Variants in ZFAT observed in about 807,000 individuals in gnomAD.
ZFAT encodes zinc finger and AT-hook domain containing.
A neutral mutation model predicts 117.7 loss-of-function variants in ZFAT; 64 were observed. The observed-to-expected ratio is 0.54, with a 90% CI of 0.44 to 0.67. ZFAT has a LOEUF of 0.67. Among genes scored for constraint, ZFAT ranks in the 30% least tolerant of loss-of-function variants. The probability of loss-of-function intolerance (pLI) is 0.00; values close to 1 mark genes in which losing one functional copy is unlikely to be tolerated. For missense variants in ZFAT, 1,433 were observed against 1,584.5 expected (o/e 0.90, Z 1.62); for synonymous variants, 679 against 615.0 (o/e 1.10, Z -1.54).
chr8:134,759,355 T>C, the ZFAT span, among the ~76,000 whole-genome samples: 30 of 152,296 alleles, frequency 2.0e-4, no homozygotes, highest in Admixed American at 1.9e-3. Flanking sequence ...CAGGTAGATT[T>C]GGGACCCCCA....
chr8:134,761,982 ATGTGTG>A, the ZFAT span, among the ~76,000 whole-genome samples: 5,470 of 147,222 alleles, frequency 0.037, 216 homozygotes, highest in African/African-American at 0.098. Flanking sequence ...TTCTCTCTGT[ATGTGTG>A]TGTGTGTGTG....
At chr8:134,733,430 C>T in the ZFAT span, among the ~76,000 whole-genome samples, 5 of 152,214 alleles carry the variant, frequency 3.3e-5, no homozygotes, top group Non-Finnish European at 7.3e-5. Context: ...GAGAAAGTTT[C>T]CTGCCCCTGG....
At chr8:134,590,545 C>A (rs1826393315) in intron 7 of ZFAT, among the ~76,000 whole-genome samples, 190 bp from the exon 8 acceptor site, 1 of 145,178 alleles carries the variant, frequency 6.9e-6, no homozygotes, top group Admixed American at 7.1e-5. Flanking sequence ...GCACTATCAA[C>A]AGTCATCACC....
intron 3 of ZFAT, among the ~76,000 whole-genome samples, chr8:134,632,589 T>A (rs557096381): frequency 3.3e-5 from 5 of 152,244 alleles, no homozygotes; most frequent in East Asian, 3.9e-4. Context: ...GCATTTTTTT[T>A]AAATTGGAGG....
intron 2 of ZFAT, among the ~76,000 whole-genome samples, chr8:134,650,196 C>T (rs1232732293): frequency 6.6e-6 from 1 of 150,540 alleles, no homozygotes; most frequent in Non-Finnish European, 1.5e-5. Flanking sequence ...CATCTTGGCT[C>T]ACTGCAACCT....
At chr8:134,781,259 C>A in the ZFAT span, among the ~76,000 whole-genome samples, 1 of 152,036 alleles carries the variant, frequency 6.6e-6, no homozygotes, top group South Asian at 2.1e-4. Flanking sequence ...CAGAGTAACT[C>A]GGACTACTGA....
Position 134,657,592 on chromosome 8 carries a change from A to G in ZFAT, c.165T>C (p.Pro55=), listed in dbSNP as rs1310348998. 25 of 1,613,602 alleles carry G rather than the reference A, an allele frequency of 1.5e-5. No individual in the cohort carries two copies. The highest frequency in any genetic ancestry group is 2.1e-5 in the Non-Finnish European group (25 of 1,179,770). Residue 55 remains proline, a synonymous_variant, in exon 2 of 16, where the codon CCT becomes CCC. Coordinates refer to ENST00000377838, the MANE Select transcript of ZFAT (RefSeq NM_020863.4). ...CGGTTTTGCTTGAGTTGGGGGGTTC[A>G]GGTGTACTCAGAGGCCTAAGGGGAA... ...IIIPLRPLST[P]EPPNSSKTGD... is the part of the protein sequence containing the mutation.
intron 10 of ZFAT, among the ~76,000 whole-genome samples, chr8:134,572,337 G>A (rs556690382): frequency 2.1e-4 from 32 of 152,240 alleles, no homozygotes; most frequent in African/African-American, 5.5e-4. Context: ...CATTGTTTTC[G>A]TGCTGTCTGT....
chr8:134,683,871 G>C (rs1833189995), intron 1 of ZFAT, among the ~76,000 whole-genome samples: 1 of 152,164 alleles, frequency 6.6e-6, no homozygotes, highest in Non-Finnish European at 1.5e-5. Context: ...TGAATTTGTA[G>C]TTGGAATCCC....
At chr8:134,538,207 A>G (rs1432186765) in intron 11 of ZFAT, among the ~76,000 whole-genome samples, 1 of 152,182 alleles carries the variant, frequency 6.6e-6, no homozygotes, top group Non-Finnish European at 1.5e-5. Flanking sequence ...ATGACAGAGG[A>G]TAACAGGTGT....
chr8:134,488,169 T>C (rs1817787784), intron 15 of ZFAT, among the ~76,000 whole-genome samples: 1 of 152,250 alleles, frequency 6.6e-6, no homozygotes, highest in Non-Finnish European at 1.5e-5. Flanking sequence ...GCCCAGATGC[T>C]ACTCAGTGGG....
At chr8:134,619,896 C>T (rs1432768333) in intron 3 of ZFAT, among the ~76,000 whole-genome samples, 1 of 152,228 alleles carries the variant, frequency 6.6e-6, no homozygotes, top group Non-Finnish European at 1.5e-5. Flanking sequence ...CCCAGCATCA[C>T]ATTGAAGTCC....
intron 11 of ZFAT, among the ~76,000 whole-genome samples, chr8:134,559,207 C>G (rs187927303): frequency 9.8e-5 from 15 of 152,304 alleles, no homozygotes; most frequent in Non-Finnish European, 2.1e-4. Flanking sequence ...CCTCAGTCTA[C>G]CCAGTTCCAA....
chr8:134,663,030 C>A (rs1239891428), intron 1 of ZFAT, among the ~76,000 whole-genome samples: 2 of 152,264 alleles, frequency 1.3e-5, no homozygotes, highest in Non-Finnish European at 2.9e-5. Context: ...CTGCTGCTCT[C>A]ATGAACGAAT....
At chr8:134,693,953 T>C (rs1833704074) in intron 1 of ZFAT, among the ~76,000 whole-genome samples, 1 of 152,226 alleles carries the variant, frequency 6.6e-6, no homozygotes, top group Non-Finnish European at 1.5e-5. Context: ...GAACGCAGCA[T>C]TATTTCTGCG....
the ZFAT span, among the ~76,000 whole-genome samples, chr8:134,742,932 A>C: frequency 6.6e-6 from 1 of 152,082 alleles, no homozygotes. Context: ...GGAGCCTGAC[A>C]CCCATTCAGT....
At chr8:134,675,971 C>T (rs753780046) in intron 1 of ZFAT, among the ~76,000 whole-genome samples, 7 of 152,100 alleles carry the variant, frequency 4.6e-5, no homozygotes, top group African/African-American at 7.2e-5. Flanking sequence ...GAACAACCAG[C>T]ACCAGCCACT....
At chr8:134,719,745 G>A in the ZFAT span, among the ~76,000 whole-genome samples, 1 of 152,238 alleles carries the variant, frequency 6.6e-6, no homozygotes, top group Admixed American at 6.5e-5. Flanking sequence ...CTGTGAATGT[G>A]CAGAGGGGAA....
chr8:134,625,413 C>A (rs1829432177), intron 3 of ZFAT, among the ~76,000 whole-genome samples: 1 of 152,208 alleles, frequency 6.6e-6, no homozygotes, highest in South Asian at 2.1e-4. Context: ...TCCACCTTCT[C>A]CCCCAGTCCC....
Sources: allele counts gnomAD v4.1 joint callset (sites outside exome capture counted in the v4.1 genomes callset), GRCh38; gene constraint gnomAD v4.1.1; transcripts MANE v1.5; gene names NCBI Gene and HGNC (gene_info 2026-07-23, HGNC 2026-07-21).